VSNL1: variants seen among roughly 807,000 people sequenced by gnomAD.
VSNL1 encodes the protein visinin-like protein 1.
Under a neutral mutation model 20.4 loss-of-function variants are expected in VSNL1, and 6 were observed. The ratio of observed to expected loss-of-function variants is 0.29; its 90% CI spans 0.16 to 0.58. The LOEUF (loss-of-function observed/expected upper bound fraction) is 0.58, where lower values mean the gene tolerates loss of function less well. Among genes scored for constraint, VSNL1 ranks in the 20% least tolerant of loss-of-function variants. VSNL1 has a pLI of 0.90. For missense variants in VSNL1, 100 were observed against 234.5 expected, an observed-to-expected ratio of 0.43 and a Z score of 3.75; for synonymous variants, 93 against 86.4, an observed-to-expected ratio of 1.08 and a Z score of -0.42.
At chr2:17,551,408 T>TAC (rs1663532485) in intron 1 of VSNL1, among the ~76,000 whole-genome samples, 1 of 152,170 alleles carries the variant, frequency 6.6e-6, no homozygotes, top group Non-Finnish European at 1.5e-5. Context: ...ACTTTTCTGG[T>TAC]ACCTACAAGT....
intron 1 of VSNL1, among the ~76,000 whole-genome samples, chr2:17,547,176 A>G (rs1016885343): frequency 2.0e-5 from 3 of 152,098 alleles, no homozygotes; most frequent in East Asian, 3.9e-4. Flanking sequence ...TCCCAGGGCC[A>G]TAGTTTATTA....
At position 17,554,888 on chromosome 2, in the gene VSNL1, CATT is replaced by C. The variant is rs1285079211; in HGVS notation, c.-6+13973_-6+13975del. Among the ~76,000 whole-genome samples the C allele has an allele frequency of 1.7e-4, 26 of 152,214 alleles. 1 individual carries two copies. Among genetic ancestry groups the C allele is most frequent in the East Asian group, 9.6e-4 (5 of 5,188 alleles). The stretch of plus-strand genomic sequence containing the variant: ...AATTTATATTCTACATTTTTAATAA[CATT>C]ATAGCAGAAACATGATCTTTTCAAT... On this transcript the variant is annotated intron_variant, in intron 1 of 3. Transcript: ENST00000295156.
chr2:17,646,948 A>G (rs913393128), intron 2 of VSNL1, among the ~76,000 whole-genome samples: 2 of 152,116 alleles, frequency 1.3e-5, no homozygotes, highest in African/African-American at 2.4e-5. Flanking sequence ...AGTTAGAAAA[A>G]CTCAAAGCAC....
chr2:17,567,956 G>A (rs897818465), intron 1 of VSNL1, among the ~76,000 whole-genome samples: 1 of 151,998 alleles, frequency 6.6e-6, no homozygotes. Flanking sequence ...TTGATAATTT[G>A]TAGGTATTTT....
At chr2:17,570,988 T>C (rs897305868) in intron 1 of VSNL1, among the ~76,000 whole-genome samples, 3 of 151,340 alleles carry the variant, frequency 2.0e-5, no homozygotes, top group Non-Finnish European at 2.9e-5. Flanking sequence ...ATTGCGCCAC[T>C]GCACTGTAGC....
intron 1 of VSNL1, among the ~76,000 whole-genome samples, chr2:17,574,818 G>GTGTA (rs1338410248): frequency 2.0e-5 from 3 of 152,194 alleles, no homozygotes; most frequent in Non-Finnish European, 2.9e-5. Flanking sequence ...CCAGCCTGGA[G>GTGTA]TGTAGTGCTG....
intron 2 of VSNL1, among the ~76,000 whole-genome samples, chr2:17,618,022 G>A (rs970853442): frequency 5.3e-5 from 8 of 152,120 alleles, no homozygotes; most frequent in African/African-American, 1.9e-4. Context: ...AGCAGTACCC[G>A]GGGAAAGAAT....
intron 2 of VSNL1, among the ~76,000 whole-genome samples, chr2:17,628,262 A>G (rs1182748624): frequency 6.6e-6 from 1 of 152,244 alleles, no homozygotes; most frequent in Non-Finnish European, 1.5e-5. Flanking sequence ...CACATATTGG[A>G]TATCTAACAG....
intron 2 of VSNL1, among the ~76,000 whole-genome samples, chr2:17,626,250 G>A (rs953537380): frequency 2.6e-5 from 4 of 152,150 alleles, no homozygotes; most frequent in African/African-American, 9.7e-5. Flanking sequence ...CCTAAGTATT[G>A]GCAGACTGTT....
At position 17,642,309 on chromosome 2, in the gene VSNL1, C is replaced by CTT. The variant is rs577471307; in HGVS notation, c.163-7085_163-7084dup. 1.4e-3 allele frequency among the ~76,000 whole-genome samples: 128 copies of CTT among 93,240 alleles called. 15 individuals carry two copies. The highest frequency in any genetic ancestry group is 6.2e-3 in the South Asian group (16 of 2,588). 61.2% of individuals were successfully genotyped at this position (93,240 alleles called of 152,430 possible). A position where few individuals can be genotyped will look rare whatever the true frequency, so the allele number is the denominator to read the frequency against. On this transcript the variant is annotated intron_variant, in intron 2 of 3. Transcript: ENST00000295156. ...CTGGCTTTTCCCATGGTGAGCATTCCTTTTTTTTTTTTTTTTTGAGACAGA... is the reference window on the plus strand; with the variant it reads ...CTGGCTTTTCCCATGGTGAGCATTCCTTTTTTTTTTTTTTTTTTTGAGACAGA...
At chr2:17,586,694 G>A (rs1664482133) in intron 1 of VSNL1, among the ~76,000 whole-genome samples, 2 of 152,204 alleles carry the variant, frequency 1.3e-5, no homozygotes, top group Non-Finnish European at 2.9e-5. Context: ...TAGTTGTGCA[G>A]AGAGTTTTCT....
At chr2:17,622,589 AAAGAAAGAAAGAAAAG>A (rs1665405156) in intron 2 of VSNL1, among the ~76,000 whole-genome samples, 4 of 131,790 alleles carry the variant, frequency 3.0e-5, no homozygotes, top group African/African-American at 8.3e-5. Flanking sequence ...AGAAAGAAAG[AAAGAAAGAAAGAAAAG>A]AAAGAAAGAT....
chr2:17,651,625 G>A (rs970449787), intron 3 of VSNL1, among the ~76,000 whole-genome samples: 2 of 152,222 alleles, frequency 1.3e-5, no homozygotes, highest in Non-Finnish European at 1.5e-5. Flanking sequence ...ACCTGACTGT[G>A]AGGGCTGGGC....
At chr2:17,539,973 T>C (rs1169177254), upstream of VSNL1, 1 of 130,018 alleles carries the variant, frequency 7.7e-6, no homozygotes, top group African/African-American at 2.9e-5. Flanking sequence ...CTTAAGTGCA[T>C]ACAGAAGGCG....
intron 2 of VSNL1, among the ~76,000 whole-genome samples, chr2:17,613,713 C>T (rs1418044695): frequency 6.6e-6 from 1 of 152,190 alleles, no homozygotes; most frequent in Non-Finnish European, 1.5e-5. Context: ...GTTCCCTGTG[C>T]TGCACAGACC....
At chr2:17,639,813 C>T (rs918260169) in intron 2 of VSNL1, among the ~76,000 whole-genome samples, 1 of 152,198 alleles carries the variant, frequency 6.6e-6, no homozygotes, top group African/African-American at 2.4e-5. Context: ...AGCCCAATGC[C>T]CCTAGGCACA....
intron 1 of VSNL1, among the ~76,000 whole-genome samples, chr2:17,587,391 ACACAT>A (rs1664501363): frequency 6.6e-6 from 1 of 151,298 alleles, no homozygotes; most frequent in Non-Finnish European, 1.5e-5. Flanking sequence ...ACACACACAC[ACACAT>A]ATATTTTGTT....
intron 1 of VSNL1, among the ~76,000 whole-genome samples, chr2:17,544,591 G>A (rs1663366305): frequency 6.6e-6 from 1 of 152,126 alleles, no homozygotes; most frequent in African/African-American, 2.4e-5. Flanking sequence ...ATTGTGGAGA[G>A]GCTCCCTAGG....
In VSNL1 at chr2:17,652,778, C is replaced by T. The variant is rs562972376; in HGVS notation, c.379-2419C>T. On this transcript the variant is annotated intron_variant, in intron 3 of 3. Coordinates refer to ENST00000295156, the MANE Select transcript of VSNL1 (RefSeq NM_003385.5). ...TTCCAGATAAACATTGAGGAGTCCTCCTAGGCAGATTTCTGAGGCTTTCTT... is the reference window on the plus strand; with the variant it reads ...TTCCAGATAAACATTGAGGAGTCCTTCTAGGCAGATTTCTGAGGCTTTCTT... Among the ~76,000 whole-genome samples, 6 of 152,336 alleles carry T rather than the reference C, an allele frequency of 3.9e-5. No homozygotes were observed. The South Asian group carries it at 1.2e-3, about 32-fold the overall frequency.
Sources: gnomAD v4.1 joint callset for allele counts (sites outside exome capture counted in the v4.1 genomes callset) on GRCh38, gnomAD v4.1.1 for gene constraint, MANE v1.5 for transcripts, NCBI Gene and HGNC (gene_info 2026-07-23, HGNC 2026-07-21) for gene names.